Variants in PRSS38 observed in about 807,000 individuals in gnomAD.
The protein encoded by PRSS38 is serine protease 38.
PRSS38 carries 22 observed loss-of-function variants against 26.8 expected under a neutral mutation model. The observed-to-expected ratio is 0.82, with a 90% CI of 0.59 to 1.17. PRSS38 has a LOEUF of 1.17. PRSS38 is among the 50% of genes most tolerant of loss of function. The pLI is 0.00. For synonymous variants in PRSS38, 175 were observed against 172.1 expected (o/e 1.02, Z -0.13); for missense variants, 427 against 422.7 (o/e 1.01, Z -0.09).
intron 3 of PRSS38, among the ~76,000 whole-genome samples, chr1:227,824,869 T>G (rs1665049368): frequency 6.6e-6 from 1 of 152,216 alleles, no homozygotes; most frequent in Admixed American, 6.5e-5. Context: ...TATGTCTTCT[T>G]TTGAGAAGTG....
chr1:227,831,872 A>G (rs1665158253), intron 3 of PRSS38, among the ~76,000 whole-genome samples: 1 of 152,152 alleles, frequency 6.6e-6, no homozygotes, highest in East Asian at 1.9e-4. Context: ...AAGAAAGAAA[A>G]AGAAAAAAGC....
intron 3 of PRSS38, among the ~76,000 whole-genome samples, chr1:227,822,221 C>T (rs1040167795): frequency 6.6e-6 from 1 of 151,880 alleles, no homozygotes; most frequent in Admixed American, 6.6e-5. Context: ...TCTTTTTGTT[C>T]ATATATTATT....
At chr1:227,833,599 A>G (rs1466480319) in intron 3 of PRSS38, among the ~76,000 whole-genome samples, 1 of 152,202 alleles carries the variant, frequency 6.6e-6, no homozygotes, top group Non-Finnish European at 1.5e-5. Flanking sequence ...GCAATAGTCA[A>G]AATCGTGGGT....
At chr1:227,842,941 C>T (rs1665360522) in intron 3 of PRSS38, among the ~76,000 whole-genome samples, 1 of 152,174 alleles carries the variant, frequency 6.6e-6, no homozygotes, top group Admixed American at 6.5e-5. Context: ...CCATGGATTC[C>T]CAGGCCTTTA....
chr1:227,825,031 CTGA>C (rs1218481134), intron 3 of PRSS38, among the ~76,000 whole-genome samples: 5 of 152,118 alleles, frequency 3.3e-5, no homozygotes, highest in African/African-American at 1.2e-4. Flanking sequence ...TCTGTTCACT[CTGA>C]TGATAGTTTA....
At chr1:227,844,834 G>A (rs1304296184) in intron 3 of PRSS38, among the ~76,000 whole-genome samples, 2 of 149,396 alleles carry the variant, frequency 1.3e-5, no homozygotes, top group Non-Finnish European at 3.0e-5. Context: ...ATGGGCAGTG[G>A]GGCTCCTCCC....
chr1:227,818,693 A>C (rs1664958459), intron 3 of PRSS38, among the ~76,000 whole-genome samples: 1 of 151,836 alleles, frequency 6.6e-6, no homozygotes, highest in Non-Finnish European at 1.5e-5. Flanking sequence ...AAAAAAAAAA[A>C]AAAAAACGTA....
rs1409145326 is a variant in PRSS38, at chr1:227,816,752, CAA to C, written c.312-454_312-453del. 3.3e-5 allele frequency among the ~76,000 whole-genome samples: 5 copies of C among 151,896 alleles called. No individual in the cohort carries two copies. The highest frequency in any genetic ancestry group is 9.7e-5 in the African/African-American group (4 of 41,318). Reference sequence around the variant, plus strand: ...TCCTCAAGTGCACAGCCAGGTCCCACAAAAGTGAGGCTGCTCCTCAAGTGCAC... The same window carrying C: ...TCCTCAAGTGCACAGCCAGGTCCCACAAGTGAGGCTGCTCCTCAAGTGCAC... On this transcript the variant is annotated intron_variant, in intron 2 of 4. Transcript: ENST00000366757. The surrounding 1 kb of genome is among the most constrained non-coding windows in gnomAD (Gnocchi z 5.1).
intron 3 of PRSS38, among the ~76,000 whole-genome samples, chr1:227,830,343 C>A (rs1665134393): frequency 6.6e-6 from 1 of 152,036 alleles, no homozygotes; most frequent in Admixed American, 6.6e-5. Flanking sequence ...AATTCATGAG[C>A]AAAGCCACCT....
At chr1:227,846,092 T>C in exon 5 of PRSS38, 1 of 1,614,232 alleles carries the variant, frequency 6.2e-7, no homozygotes. Context: ...AAAATGGATA[T>C]GTGATAACAT....
chr1:227,834,758 G>T (rs550374482), intron 3 of PRSS38, among the ~76,000 whole-genome samples: 1 of 150,182 alleles, frequency 6.7e-6, no homozygotes, highest in African/African-American at 2.5e-5. Flanking sequence ...TGAGCTCAGC[G>T]GGTCGAGGCT....
In PRSS38 at chr1:227,844,276, C is replaced by T. The variant is rs190067026; in HGVS notation, c.584-1194C>T. 1.0e-3 allele frequency among the ~76,000 whole-genome samples: 155 copies of T among 152,026 alleles called. 1 individual carries two copies. In the East Asian group the frequency reaches 0.022, roughly 22 times the overall value. On this transcript the variant is annotated intron_variant, in intron 3 of 4. Coordinates refer to ENST00000366757, the Ensembl canonical transcript of PRSS38. ...GGCTCCTCCCCATCTGTGGTCGGGA[C>T]TTCATTCATGGGTCATCGGGGTTAC...
chr1:227,822,230 T>C (rs1021287688), intron 3 of PRSS38, among the ~76,000 whole-genome samples: 11 of 152,108 alleles, frequency 7.2e-5, no homozygotes, highest in African/African-American at 2.4e-4. Context: ...TCATATATTA[T>C]TTTCCTGATT....
At chr1:227,828,138 T>C (rs956189097) in intron 3 of PRSS38, among the ~76,000 whole-genome samples, 1 of 152,198 alleles carries the variant, frequency 6.6e-6, no homozygotes, top group Non-Finnish European at 1.5e-5. Context: ...GTAAGTGCCA[T>C]GTGGTGATGA....
Position 227,841,340 on chromosome 1 carries a change from G to A in PRSS38, c.584-4130G>A, listed in dbSNP as rs79751070. Among the ~76,000 whole-genome samples, 673 of 152,332 alleles carry A rather than the reference G, an allele frequency of 4.4e-3. 15 individuals are homozygous for A. In the East Asian group the frequency reaches 0.068, roughly 15 times the overall value. ...TTTTCCAAGCCCCTGCTTAAATCCC[G>A]TTGACCAAACCACGTCCGTGGCAAA... On this transcript the variant is annotated intron_variant, in intron 3 of 4. Transcript: ENST00000366757.
At chr1:227,826,468 C>A (rs745459224) in intron 3 of PRSS38, among the ~76,000 whole-genome samples, 1 of 152,176 alleles carries the variant, frequency 6.6e-6, no homozygotes, top group African/African-American at 2.4e-5. Context: ...AATCCCAACA[C>A]TTTGGGAGGT....
At chr1:227,845,684 C>T (rs1440631916) in intron 4 of PRSS38, 72 bp downstream of exon 4, 7 of 1,533,990 alleles carry the variant, frequency 4.6e-6, no homozygotes, top group Non-Finnish European at 5.3e-6. Context: ...GGACCCCACT[C>T]TGGCCTCCCA....
At chr1:227,842,855 G>C (rs2102686110) in intron 3 of PRSS38, among the ~76,000 whole-genome samples, 1 of 152,126 alleles carries the variant, frequency 6.6e-6, no homozygotes, top group East Asian at 1.9e-4. Flanking sequence ...GGGACTACAG[G>C]TGTGAGCCAC....
chr1:227,815,971 C>T (rs1664905992), intron 1 of PRSS38, 107 bp downstream of exon 1: 2 of 1,498,650 alleles, frequency 1.3e-6, no homozygotes, highest in Non-Finnish European at 1.8e-6. Context: ...CTTCCCCTCC[C>T]CCATGTCCCC....
Sources: gnomAD v4.1 joint callset for allele counts (sites outside exome capture counted in the v4.1 genomes callset) on GRCh38, gnomAD v4.1.1 for gene constraint, Gnocchi (gnomAD v3.1) non-coding constraint, MANE v1.5 for transcripts, NCBI Gene and HGNC (gene_info 2026-07-23, HGNC 2026-07-21) for gene names.